ADAMTS6: variants seen among roughly 807,000 people sequenced by gnomAD.
The protein encoded by ADAMTS6 is A disintegrin and metalloproteinase with thrombospondin motifs 6.
A neutral mutation model predicts 144.3 loss-of-function variants in ADAMTS6; 23 were observed. The ratio of observed to expected loss-of-function variants is 0.16; its 90% confidence interval spans 0.11 to 0.23. The LOEUF (loss-of-function observed/expected upper bound fraction) is 0.23, where lower values mean the gene tolerates loss of function less well. ADAMTS6 is among the 10% of genes least tolerant of loss of function. The probability of loss-of-function intolerance (pLI) is 1.00; values close to 1 mark genes in which losing one functional copy is unlikely to be tolerated. For missense variants in ADAMTS6, 999 were observed against 1,379.6 expected (o/e 0.72, Z 4.37); for synonymous variants, 444 against 457.5 (o/e 0.97, Z 0.38).
At chr5:65,356,320 G>A (rs1011850483) in intron 7 of ADAMTS6, among the ~76,000 whole-genome samples, 2 of 151,720 alleles carry the variant, frequency 1.3e-5, no homozygotes, top group Admixed American at 6.6e-5. Flanking sequence ...ATTTTTGTGG[G>A]TCTCTTGAAA....
At chr5:65,421,747 T>C (rs1756060076) in intron 7 of ADAMTS6, among the ~76,000 whole-genome samples, 1 of 152,128 alleles carries the variant, frequency 6.6e-6, no homozygotes, top group Admixed American at 6.6e-5. Flanking sequence ...CTTGGAAAAC[T>C]GGATAGCCAC....
intron 7 of ADAMTS6, among the ~76,000 whole-genome samples, chr5:65,343,235 C>T (rs77052091): frequency 0.015 from 2,262 of 152,060 alleles, 36 homozygotes; most frequent in East Asian, 0.083. Context: ...CGAATAGACA[C>T]GGCAATCATA....
At chr5:65,206,355 C>T (rs1009083609) in intron 20 of ADAMTS6, among the ~76,000 whole-genome samples, 2 of 152,140 alleles carry the variant, frequency 1.3e-5, no homozygotes, top group African/African-American at 4.8e-5. Flanking sequence ...CGTGGTCCCA[C>T]ATCAGGAAAA....
At chr5:65,446,159 A>C (rs1313245571) in intron 7 of ADAMTS6, among the ~76,000 whole-genome samples, 2 of 152,230 alleles carry the variant, frequency 1.3e-5, no homozygotes, top group Non-Finnish European at 2.9e-5. Context: ...TCCATAAATG[A>C]ATACCAAATA....
At chr5:65,317,839 C>T (rs866861095) in intron 9 of ADAMTS6, among the ~76,000 whole-genome samples, 5 of 151,846 alleles carry the variant, frequency 3.3e-5, no homozygotes, top group African/African-American at 9.7e-5. Flanking sequence ...TTTGGGAGGC[C>T]GAGGCGGGTG....
chr5:65,151,948 A>G lies in ADAMTS6; in HGVS notation c.3245-3T>C. The G allele has an allele frequency of 6.2e-7, 1 of 1,610,430 alleles. No individual in the cohort carries two copies. The highest frequency in any genetic ancestry group is 8.5e-7 in the Non-Finnish European group (1 of 1,176,980). Reference sequence around the variant, plus strand: ...CACTTTATTCACATCTTTGCACTCTAACGAATGGGGGCAGAAAATGGAAAA... The same window carrying G: ...CACTTTATTCACATCTTTGCACTCTGACGAATGGGGGCAGAAAATGGAAAA... On this transcript the variant is annotated splice_region_variant and splice_polypyrimidine_tract_variant and intron_variant, in intron 24 of 24. Transcript: ENST00000381055.
chr5:65,375,204 A>G (rs1330233202), intron 7 of ADAMTS6, among the ~76,000 whole-genome samples: 1 of 152,224 alleles, frequency 6.6e-6, no homozygotes, highest in East Asian at 1.9e-4. Context: ...GCATGGGCAA[A>G]GGCTTCATGT....
chr5:65,200,179 C>T (rs2112242789), intron 20 of ADAMTS6, among the ~76,000 whole-genome samples: 1 of 152,254 alleles, frequency 6.6e-6, no homozygotes, highest in Non-Finnish European at 1.5e-5. Flanking sequence ...AACTATTACT[C>T]CCACACTTGG....
At chr5:65,414,639 T>C (rs1373690580) in intron 7 of ADAMTS6, among the ~76,000 whole-genome samples, 2 of 152,154 alleles carry the variant, frequency 1.3e-5, no homozygotes, top group Non-Finnish European at 2.9e-5. Flanking sequence ...AGGAAAGAAG[T>C]TTTAAAGGAA....
intron 7 of ADAMTS6, among the ~76,000 whole-genome samples, chr5:65,442,103 A>C (rs1757912106): frequency 6.6e-6 from 1 of 151,892 alleles, no homozygotes; most frequent in African/African-American, 2.4e-5. Context: ...ATGAAAAAAA[A>C]AAAACGAAAC....
intron 18 of ADAMTS6, among the ~76,000 whole-genome samples, chr5:65,223,303 C>A (rs1013475369): frequency 3.3e-5 from 5 of 152,244 alleles, no homozygotes; most frequent in African/African-American, 7.2e-5. Context: ...AGCTAATTTA[C>A]ATATCCATAA....
intron 9 of ADAMTS6, among the ~76,000 whole-genome samples, chr5:65,305,764 A>T (rs1345715257): frequency 6.6e-6 from 1 of 152,126 alleles, no homozygotes; most frequent in Admixed American, 6.5e-5. Flanking sequence ...AGAGGGACAC[A>T]CACACACATA....
At chr5:65,274,325 T>A (rs568708193) in intron 11 of ADAMTS6, among the ~76,000 whole-genome samples, 2 of 152,092 alleles carry the variant, frequency 1.3e-5, no homozygotes. Context: ...TATTTTTATA[T>A]ATAATCACCA....
chr5:65,371,515 G>A (rs1418485329), intron 7 of ADAMTS6, among the ~76,000 whole-genome samples: 1 of 152,104 alleles, frequency 6.6e-6, no homozygotes, highest in Non-Finnish European at 1.5e-5. Flanking sequence ...GGAAGAAAGG[G>A]TATCAGCGAT....
At chr5:65,300,720 C>T (rs1054123174) in intron 9 of ADAMTS6, among the ~76,000 whole-genome samples, 4 of 152,060 alleles carry the variant, frequency 2.6e-5, no homozygotes, top group African/African-American at 9.7e-5. Context: ...CAAGCTCAGC[C>T]TCCCGGGTTC....
At chr5:65,250,272 G>C (rs1455122549) in intron 14 of ADAMTS6, among the ~76,000 whole-genome samples, 2 of 152,184 alleles carry the variant, frequency 1.3e-5, no homozygotes, top group South Asian at 2.1e-4. Flanking sequence ...CAGAAATTTA[G>C]AGAGGTTAGG....
intron 24 of ADAMTS6, among the ~76,000 whole-genome samples, chr5:65,170,026 T>TA (rs1753512849): frequency 1.3e-5 from 2 of 152,068 alleles, no homozygotes; most frequent in African/African-American, 4.8e-5. Context: ...CCCTAAAACT[T>TA]AAAGTATAAT....
chr5:65,248,333 AG>A (rs2112526953), intron 14 of ADAMTS6, among the ~76,000 whole-genome samples: 1 of 152,316 alleles, frequency 6.6e-6, no homozygotes, highest in South Asian at 2.1e-4. Flanking sequence ...AAAGAAAACA[AG>A]GGCAGATAAC....
rs140923984 is a variant in ADAMTS6 at position 65,273,379 on chromosome 5, A to G, written c.1581T>C (p.Ala527=). 1 of 1,613,858 alleles carries G rather than the reference A, an allele frequency of 6.2e-7. No homozygotes were observed. The highest frequency in any genetic ancestry group is 8.5e-7 in the Non-Finnish European group (1 of 1,179,886). The part of the protein sequence containing the change: ...NRCVTNSIPA[A]EGTLCQTGNI... ...TCCCAGTTTGACACAGTGTCCCCTC[A>G]GCTGCTGGAATACTGTTGGTGACAC... Residue 527 remains alanine (A), a synonymous_variant, in exon 12 of 25, where the codon GCT becomes GCC. Coordinates refer to ENST00000381055, the MANE Select transcript of ADAMTS6 (RefSeq NM_197941.4).
Sources: allele counts gnomAD v4.1 joint callset (sites outside exome capture counted in the v4.1 genomes callset), GRCh38; gene constraint gnomAD v4.1.1; transcripts MANE v1.5; gene names NCBI Gene and HGNC (gene_info 2026-07-23, HGNC 2026-07-21).